PCDHA7: variants seen among roughly 807,000 people sequenced by gnomAD.
The protein encoded by PCDHA7 is protocadherin alpha-7.
In PCDHA7, 37 loss-of-function variants were observed where a neutral mutation model predicts 57.2. That is an observed-to-expected ratio of 0.65 (90% CI 0.50 to 0.85). The LOEUF (loss-of-function observed/expected upper bound fraction) is 0.85, where lower values mean the gene tolerates loss of function less well. Among genes scored for constraint, PCDHA7 ranks in the 40% least tolerant of loss-of-function variants. The pLI is 0.00. For missense variants in PCDHA7, 1,188 were observed against 1,241.8 expected, an observed-to-expected ratio of 0.96 and a Z score of 0.65; for synonymous variants, 553 against 558.8, an observed-to-expected ratio of 0.99 and a Z score of 0.15.
chr5:140,992,017 C>CTG (rs10602499), intron 3 of PCDHA7, among the ~76,000 whole-genome samples: 19,643 of 145,468 alleles, frequency 0.14, 1,328 homozygotes, highest in East Asian at 0.18. Flanking sequence ...AGAGGTGGCT[C>CTG]TGTGTGTGTG....
intron 3 of PCDHA7, among the ~76,000 whole-genome samples, chr5:140,994,044 G>C (rs782758789): frequency 9.9e-5 from 15 of 152,240 alleles, no homozygotes; most frequent in Middle Eastern, 3.4e-3. Flanking sequence ...ATATAACACA[G>C]TCCTGCCCTT....
intron 1 of PCDHA7, among the ~76,000 whole-genome samples, chr5:140,909,403 G>A (rs533159317): frequency 2.0e-4 from 31 of 152,280 alleles, no homozygotes; most frequent in African/African-American, 7.2e-4. Flanking sequence ...AGCTGCAATT[G>A]CAGTTACCAT....
intron 1 of PCDHA7, chr5:140,870,008 G>A (rs2051578395): frequency 1.2e-6 from 2 of 1,613,528 alleles, no homozygotes; most frequent in Non-Finnish European, 1.7e-6. Flanking sequence ...GGAGAAGTGA[G>A]GGTCAATGGA....
At chr5:140,985,491 G>C (rs1288786153) in intron 3 of PCDHA7, among the ~76,000 whole-genome samples, 3 of 152,166 alleles carry the variant, frequency 2.0e-5, no homozygotes, top group African/African-American at 7.2e-5. Flanking sequence ...GACTCAAATA[G>C]AGCCTGCCTT....
chr5:140,967,889 C>T, intron 1 of PCDHA7: 1 of 1,614,146 alleles, frequency 6.2e-7, no homozygotes, highest in Non-Finnish European at 8.5e-7. Context: ...TAGCCCAGTG[C>T]CTGAGAATGC....
At chr5:140,869,004 T>C in intron 1 of PCDHA7, 1 of 1,521,534 alleles carries the variant, frequency 6.6e-7, no homozygotes, top group Non-Finnish European at 8.8e-7. Context: ...AAGGATCCTT[T>C]GAAACTTCTT....
Position 140,836,576 on chromosome 5 carries a change from A to C in PCDHA7, c.2193A>C (p.Ala731=), listed in dbSNP as rs1554136097. ...GCTCAGCGCCGTCCTCTGAGGGCGC[A>C]TGTAGTTTGGTAAAGCCCACTCTGG... is the stretch of plus-strand genomic sequence containing the variant. ...LRCSAPSSEG[A]CSLVKPTLVC... Residue 731 remains alanine (A), a synonymous_variant, in exon 1 of 4, where the codon GCA becomes GCC. Transcript: ENST00000525929. 2 of 1,613,572 alleles carry C rather than the reference A, an allele frequency of 1.2e-6. No individual in the cohort carries two copies. The highest frequency in any genetic ancestry group is 1.3e-5 in the African/African-American group (1 of 74,778).
intron 1 of PCDHA7, among the ~76,000 whole-genome samples, chr5:140,895,738 C>A (rs1554186621): frequency 6.6e-6 from 1 of 152,108 alleles, no homozygotes; most frequent in Non-Finnish European, 1.5e-5. Context: ...CAATGGGCTG[C>A]AAAGGGCATG....
chr5:140,858,618 C>T (rs781842612), intron 1 of PCDHA7: 2 of 1,160,992 alleles, frequency 1.7e-6, no homozygotes, highest in South Asian at 1.6e-5. Context: ...TTTTATCCTA[C>T]CCAGTGTGTC....
chr5:140,911,445 A>C (rs1327839733), intron 1 of PCDHA7, among the ~76,000 whole-genome samples: 1 of 152,184 alleles, frequency 6.6e-6, no homozygotes, highest in Non-Finnish European at 1.5e-5. Context: ...CCGCAATTTC[A>C]GCTCTTTCTC....
At position 140,857,968 on chromosome 5, in the gene PCDHA7, C is replaced by T. The variant is rs782482021; in HGVS notation, c.2355+21230C>T. The T allele has an allele frequency of 5.8e-5, 93 of 1,597,052 alleles. 13 individuals are homozygous for T. The Middle Eastern group carries it at 6.7e-4, about 11-fold the overall frequency. ...CGACGCGCGCTCTGGATGAGACTGA[C>T]TCGCCACGCCAGCGCCTACTGGTGC... On this transcript the variant is annotated intron_variant, in intron 1 of 3. Coordinates refer to ENST00000525929, the MANE Select transcript of PCDHA7 (RefSeq NM_018910.3).
chr5:140,963,977 C>A (rs1311264244), intron 1 of PCDHA7, among the ~76,000 whole-genome samples: 1 of 152,164 alleles, frequency 6.6e-6, no homozygotes, highest in Non-Finnish European at 1.5e-5. Flanking sequence ...ACTCCAAAGT[C>A]TATATTCCTA....
intron 1 of PCDHA7, among the ~76,000 whole-genome samples, chr5:140,838,797 C>T (rs1775892609): frequency 6.6e-6 from 1 of 151,930 alleles, no homozygotes; most frequent in African/African-American, 2.4e-5. Flanking sequence ...TGATGCATGT[C>T]TGTAGTTTCA....
At chr5:140,958,484 G>A (rs246009) in intron 1 of PCDHA7, among the ~76,000 whole-genome samples, 85,541 of 151,786 alleles carry the variant, frequency 0.56, 24,705 homozygotes, top group African/African-American at 0.69. Flanking sequence ...AGAGCACTAA[G>A]TCCACATATC....
At chr5:140,925,690 G>A (rs1029124411) in intron 1 of PCDHA7, among the ~76,000 whole-genome samples, 6 of 149,642 alleles carry the variant, frequency 4.0e-5, no homozygotes, top group African/African-American at 7.4e-5. Context: ...GCGAGGGTGG[G>A]TATCTAGCCT....
intron 3 of PCDHA7, among the ~76,000 whole-genome samples, chr5:140,999,478 T>C (rs2097859281): frequency 6.6e-6 from 1 of 152,172 alleles, no homozygotes; most frequent in Non-Finnish European, 1.5e-5. Flanking sequence ...AGATTCCAAC[T>C]CAAGTCTATG....
At position 140,836,211 on chromosome 5, in the gene PCDHA7, G is replaced by T; in HGVS notation, c.1828G>T (p.Glu610Ter). The change falls in exon 1 of 4, where the codon GAG becomes TAG. Residue 610 changes from glutamate (E) to a stop codon, truncating the protein, a stop_gained. Transcript: ENST00000525929. LOFTEE classifies it high-confidence loss of function. ...AGGCTACAACGCGTGGCTTTCGTAT[G>T]AGTTGCAACCGGTGGCGGCCGGTGC... ...DSGYNAWLSYELQPVAAGASI... is the reference protein window; with the variant it reads ...DSGYNAWLSY The T allele has an allele frequency of 6.2e-7, 1 of 1,613,840 alleles. No homozygotes were observed. Among genetic ancestry groups the T allele is most frequent in the Non-Finnish European group, 8.5e-7 (1 of 1,179,820 alleles).
chr5:140,882,126 T>C, intron 1 of PCDHA7: 1 of 1,466,718 alleles, frequency 6.8e-7, no homozygotes, highest in East Asian at 2.3e-5. Flanking sequence ...GTTTCTTTCT[T>C]CCTGCAGAAA....
chr5:140,913,942 T>A (rs1489221369), intron 1 of PCDHA7, among the ~76,000 whole-genome samples: 10 of 152,198 alleles, frequency 6.6e-5, no homozygotes, highest in African/African-American at 2.4e-4. Flanking sequence ...GAGAAGAATC[T>A]TGATATGATA....
Sources: allele counts gnomAD v4.1 joint callset (sites outside exome capture counted in the v4.1 genomes callset), GRCh38; gene constraint gnomAD v4.1.1; transcripts MANE v1.5; gene names NCBI Gene and HGNC (gene_info 2026-07-23, HGNC 2026-07-21).